The following SIDT1 variants were observed in gnomAD, a reference collection of about 807,000 sequenced individuals.
SIDT1 encodes SID1 transmembrane family member 1.
SIDT1 carries 101 observed loss-of-function variants against 107.5 expected under a neutral mutation model. The observed-to-expected ratio is 0.94, with a 90% confidence interval of 0.80 to 1.11. The LOEUF (loss-of-function observed/expected upper bound fraction) is 1.11, where lower values mean the gene tolerates loss of function less well. Ranked by LOEUF, SIDT1 falls within the 50% of genes least tolerant of loss-of-function variation. The pLI is 0.00. For missense variants in SIDT1, 1,076 were observed against 1,058.2 expected (o/e 1.02, Z -0.23); for synonymous variants, 395 against 398.2 (o/e 0.99, Z 0.10).
chr3:113,605,519 C>G (rs1945264775), intron 14 of SIDT1, among the ~76,000 whole-genome samples: 1 of 152,160 alleles, frequency 6.6e-6, no homozygotes, highest in African/African-American at 2.4e-5. Context: ...GTCTACCAGT[C>G]TGAAAGTATT....
chr3:113,605,056 A>G, intron 14 of SIDT1, 80 bp downstream of exon 14: 1 of 1,465,428 alleles, frequency 6.8e-7, no homozygotes, highest in South Asian at 1.1e-5. Flanking sequence ...TGACAGAGAG[A>G]GGTACAACTT....
intron 1 of SIDT1, among the ~76,000 whole-genome samples, chr3:113,544,189 T>C (rs1187053162): frequency 4.6e-5 from 7 of 151,302 alleles, no homozygotes; most frequent in South Asian, 4.2e-4. Flanking sequence ...GTTTGTTTGT[T>C]TGTTTGTTTG....
At chr3:113,547,027 G>A (rs1048067108) in intron 1 of SIDT1, among the ~76,000 whole-genome samples, 2 of 152,052 alleles carry the variant, frequency 1.3e-5, no homozygotes, top group Non-Finnish European at 2.9e-5. Context: ...GCATATCATG[G>A]ATCTGCCAGA....
intron 1 of SIDT1, among the ~76,000 whole-genome samples, chr3:113,562,011 T>G (rs1941476937): frequency 6.6e-6 from 1 of 152,178 alleles, no homozygotes; most frequent in South Asian, 2.1e-4. Context: ...GGTGAGTGTC[T>G]GTATTACAGC....
At chr3:113,585,138 C>A in intron 8 of SIDT1, 39 bp from the exon 9 acceptor site, 1 of 1,399,950 alleles carries the variant, frequency 7.1e-7, no homozygotes, top group Non-Finnish European at 1.0e-6. Flanking sequence ...TTCTTTTCTG[C>A]AGAGGATGAC....
chr3:113,611,861 T>C (rs1380432766), intron 18 of SIDT1, among the ~76,000 whole-genome samples: 2 of 152,170 alleles, frequency 1.3e-5, no homozygotes, highest in African/African-American at 4.8e-5. Flanking sequence ...CCATTGCTAT[T>C]TGGCTGCCTC....
At position 113,565,601 on chromosome 3, in the gene SIDT1, C is replaced by CT. The variant is rs201488608; in HGVS notation, c.223-816dup. On this transcript the variant is annotated intron_variant, in intron 1 of 24. Transcript: ENST00000264852. The stretch of plus-strand genomic sequence containing the variant: ...TCCAAAGTTACATTCACTTTCCTGT[C>CT]TTTAAAATAACCATAATAGGGTTAA... Among the ~76,000 whole-genome samples, 4 of 152,128 alleles carry CT rather than the reference C, an allele frequency of 2.6e-5. No individual in the cohort carries two copies. In the East Asian group the frequency reaches 7.7e-4, roughly 29 times the overall value.
intron 17 of SIDT1, among the ~76,000 whole-genome samples, chr3:113,610,474 G>A (rs947150072): frequency 2.0e-5 from 3 of 152,152 alleles, no homozygotes; most frequent in African/African-American, 4.8e-5. Context: ...TAATTTGCAT[G>A]TCCACAATTG....
chr3:113,565,813 C>T (rs890961887), intron 1 of SIDT1, among the ~76,000 whole-genome samples: 1 of 152,116 alleles, frequency 6.6e-6, no homozygotes, highest in African/African-American at 2.4e-5. Context: ...ATCTGTTAGG[C>T]TTTAATAAAA....
intron 8 of SIDT1, 86 bp from the exon 9 acceptor site, chr3:113,585,091 A>G (rs1006860962): frequency 5.6e-6 from 5 of 900,898 alleles, no homozygotes; most frequent in Non-Finnish European, 9.0e-6. Context: ...AATATGATGG[A>G]GGGGGCCCTT....
At chr3:113,582,776 C>T (rs537951781) in intron 6 of SIDT1, among the ~76,000 whole-genome samples, 2 of 151,972 alleles carry the variant, frequency 1.3e-5, no homozygotes, top group South Asian at 2.1e-4. Flanking sequence ...ACAGCTATGC[C>T]TGAAATAAAA....
intron 9 of SIDT1, among the ~76,000 whole-genome samples, chr3:113,587,488 T>G (rs560673946): frequency 6.6e-6 from 1 of 152,228 alleles, no homozygotes; most frequent in African/African-American, 2.4e-5. Flanking sequence ...AACAGGTGCC[T>G]GCTGTGTGCC....
intron 1 of SIDT1, among the ~76,000 whole-genome samples, chr3:113,534,721 C>T (rs1201833110): frequency 2.0e-5 from 3 of 152,182 alleles, no homozygotes; most frequent in Admixed American, 1.3e-4. Flanking sequence ...TCAGCTTCCC[C>T]CTAAATCATT....
At chr3:113,566,640 A>G in intron 2 of SIDT1, 99 bp downstream of exon 2, 2 of 1,363,028 alleles carry the variant, frequency 1.5e-6, no homozygotes, top group Non-Finnish European at 2.0e-6. Context: ...AAAATCAGAC[A>G]TTTGGAATGT....
At chr3:113,611,546 C>G (rs909437993) in intron 18 of SIDT1, among the ~76,000 whole-genome samples, 9 of 152,226 alleles carry the variant, frequency 5.9e-5, no homozygotes, top group Admixed American at 2.0e-4. Flanking sequence ...TGGTCTCAAA[C>G]TCCTGACCTC....
At chr3:113,557,208 T>C (rs1940974265) in intron 1 of SIDT1, among the ~76,000 whole-genome samples, 1 of 152,194 alleles carries the variant, frequency 6.6e-6, no homozygotes. Flanking sequence ...TCCATGTTAA[T>C]TCACTTTAAC....
chr3:113,554,981 G>C (rs1202160814), intron 1 of SIDT1, among the ~76,000 whole-genome samples: 1 of 152,216 alleles, frequency 6.6e-6, no homozygotes, highest in African/African-American at 2.4e-5. Flanking sequence ...CATGGTCATG[G>C]CACTTAAAAC....
intron 4 of SIDT1, among the ~76,000 whole-genome samples, chr3:113,577,893 C>T (rs1429082100): frequency 6.6e-6 from 1 of 152,148 alleles, no homozygotes; most frequent in Non-Finnish European, 1.5e-5. Context: ...GGTGTAAATA[C>T]CTCCACTGTG....
At chr3:113,614,943 G>A in intron 19 of SIDT1, 2 of 1,023,558 alleles carry the variant, frequency 2.0e-6, no homozygotes, top group South Asian at 2.9e-5. Context: ...TAATCAGAAA[G>A]CAAAATTAAA....
Sources: gnomAD v4.1 joint callset for allele counts (sites outside exome capture counted in the v4.1 genomes callset) on GRCh38, gnomAD v4.1.1 for gene constraint, MANE v1.5 for transcripts, NCBI Gene and HGNC (gene_info 2026-07-23, HGNC 2026-07-21) for gene names.